Variants in TRAF7 observed in about 807,000 individuals in gnomAD.
TRAF7 encodes E3 ubiquitin-protein ligase TRAF7.
In TRAF7, 45 loss-of-function variants were observed where a neutral mutation model predicts 89.3. The observed-to-expected ratio is 0.50, with a 90% CI of 0.40 to 0.65. TRAF7 has a LOEUF of 0.65. Among genes scored for constraint, TRAF7 ranks in the 30% least tolerant of loss-of-function variants. TRAF7 has a pLI of 0.00. For synonymous variants in TRAF7, 406 were observed against 369.2 expected (o/e 1.10, Z -1.14); for missense variants, 677 against 918.1 (o/e 0.74, Z 3.39).
At chr16:2,164,104 C>G in intron 2 of TRAF7, 103 bp downstream of exon 2, 3 of 1,101,830 alleles carry the variant, frequency 2.7e-6, no homozygotes, top group Non-Finnish European at 3.8e-6. Context: ...CCGTCCCGAG[C>G]TGGGGTCTCA....
At chr16:2,164,177 CGCGCACGCGTGCGTGTGT>C (rs1011420718) in intron 2 of TRAF7, among the ~76,000 whole-genome samples, 176 bp downstream of exon 2, 4 of 117,724 alleles carry the variant, frequency 3.4e-5, no homozygotes, top group African/African-American at 1.5e-4. Flanking sequence ...CGCGCGCGCG[CGCGCACGCGTGCGTGTGT>C]GGTTGGGGCG....
At chr16:2,156,092 T>A (rs1021036901) in intron 1 of TRAF7, among the ~76,000 whole-genome samples, 1 of 152,070 alleles carries the variant, frequency 6.6e-6, no homozygotes, top group African/African-American at 2.4e-5. Context: ...TCTCGCGCAG[T>A]TCTTTACTCA....
intron 3 of TRAF7, among the ~76,000 whole-genome samples, chr16:2,167,208 G>T (rs896648058): frequency 2.0e-5 from 3 of 152,144 alleles, no homozygotes; most frequent in African/African-American, 4.8e-5. Context: ...CGGCTGCTAT[G>T]CCTGGCCCCT....
chr16:2,175,951 C>T lies in TRAF7; in HGVS notation c.1744C>T (p.His582Tyr). The change falls in exon 18 of 21, where the codon CAC becomes TAC. Residue 582 changes from histidine (H) to tyrosine (Y), a missense_variant and splice_region_variant. This residue lies in a region of TRAF7 where 160 missense variants were observed against 263.7 expected (regional missense o/e 0.61). Coordinates refer to ENST00000326181, the MANE Select transcript of TRAF7 (RefSeq NM_032271.3). Reference sequence around the variant, plus strand: ...CTGTGGCACCTACGAGAACCTCATCCACGTAAGGCCTGGGCATCTGGGTGC... The same window carrying T: ...CTGTGGCACCTACGAGAACCTCATCTACGTAAGGCCTGGGCATCTGGGTGC... The part of the protein sequence containing the change: ...IVCGTYENLI[H>Y]VWDIESKEQV... 1.2e-6 allele frequency: 2 copies of T among 1,613,224 alleles called. No homozygotes were observed. Among genetic ancestry groups the T allele is most frequent in the Non-Finnish European group, 8.5e-7 (1 of 1,179,954 alleles).
At chr16:2,166,700 C>T (rs944326803) in intron 3 of TRAF7, among the ~76,000 whole-genome samples, 2 of 152,236 alleles carry the variant, frequency 1.3e-5, no homozygotes, top group African/African-American at 4.8e-5. Flanking sequence ...GCAAGCCAAG[C>T]CCAATAAATC....
Position 2,161,236 on chromosome 16 carries a change from C to T in TRAF7, c.-38-2647C>T. On this transcript the variant is annotated intron_variant, in intron 1 of 20. Transcript: ENST00000326181. The surrounding 1 kb of genome is among the most constrained non-coding windows in gnomAD (Gnocchi z 5.2). ...CCCCCTGCTTCCCTCTGCCCCCTCCCTCCCTCCGTCCCCTCCCTCCTTCCG... is the reference window on the plus strand; with the variant it reads ...CCCCCTGCTTCCCTCTGCCCCCTCCTTCCCTCCGTCCCCTCCCTCCTTCCG... Among the ~76,000 whole-genome samples the T allele has an allele frequency of 1.4e-5, 2 of 144,912 alleles. No homozygotes were observed. Among genetic ancestry groups the T allele is most frequent in the South Asian group, 4.7e-4 (2 of 4,280 alleles).
chr16:2,164,633 G>C (rs550361778), intron 2 of TRAF7, among the ~76,000 whole-genome samples: 69 of 114,006 alleles, frequency 6.1e-4, no homozygotes, highest in African/African-American at 7.9e-4. Context: ...GCTGCGTGGC[G>C]CGGCCTGGTC....
chr16:2,164,134 G>A (rs549009069), intron 2 of TRAF7, 133 bp downstream of exon 2: 2 of 711,888 alleles, frequency 2.8e-6, no homozygotes, highest in East Asian at 5.5e-5. Flanking sequence ...GGTGGGGGGG[G>A]GTGTGGTGTG....
At position 2,161,494 on chromosome 16, in the gene TRAF7, T is replaced by A. The variant is rs187152274; in HGVS notation, c.-38-2389T>A. On this transcript the variant is annotated intron_variant, in intron 1 of 20. Coordinates refer to ENST00000326181, the MANE Select transcript of TRAF7 (RefSeq NM_032271.3). This position sits in a 1 kb window ranked among gnomAD's most constrained non-coding sequence, Gnocchi z 5.2. The stretch of plus-strand genomic sequence containing the variant: ...GCCCGACCCATCCCAGGGGAGTGCC[T>A]GCTGGGGTCCTGGCCACCTGGGCCC... 2.5e-4 allele frequency among the ~76,000 whole-genome samples: 38 copies of A among 152,232 alleles called. No homozygotes were observed. The East Asian group carries it at 6.8e-3, about 27-fold the overall frequency.
Position 2,163,432 on chromosome 16 carries a change from C to A in TRAF7, c.-38-451C>A. The A allele has an allele frequency of 5.6e-6, 1 of 179,176 alleles. No homozygotes were observed. Among genetic ancestry groups the A allele is most frequent in the South Asian group, 9.8e-5 (1 of 10,160 alleles). 11.1% of individuals were successfully genotyped at this position (179,176 alleles called of 1,614,324 possible). On this transcript the variant is annotated intron_variant, in intron 1 of 20. Coordinates refer to ENST00000326181, the MANE Select transcript of TRAF7 (RefSeq NM_032271.3). This position sits in a 1 kb window ranked among gnomAD's most constrained non-coding sequence, Gnocchi z 4.3. Reference sequence around the variant, plus strand: ...ACCGCACCTGTCGTGGCAGGAAACACATTCGTCGTGCCTTGGCTGGTCCCT... The same window carrying A: ...ACCGCACCTGTCGTGGCAGGAAACAAATTCGTCGTGCCTTGGCTGGTCCCT...
chr16:2,176,914 T>C lies in TRAF7; in HGVS notation c.*340T>C. 1 of 488,656 alleles carries C rather than the reference T, an allele frequency of 2.0e-6. No individual in the cohort carries two copies. The highest frequency in any genetic ancestry group is 3.6e-5 in the East Asian group (1 of 27,972). 30.3% of individuals were successfully genotyped at this position (488,656 alleles called of 1,614,324 possible). On this transcript the variant is annotated 3_prime_UTR_variant, in exon 21 of 21. Transcript: ENST00000326181. ...TATGTAGATTTGGTTACCTCCTGGT[T>C]GAAATAAATGCTCCACAGACTGTGG...
rs558914713 is a variant in TRAF7 at position 2,164,387 on chromosome 16, G to A, written c.81+386G>A. ...GTTAAGCGTGTTAGTGCTGCGTGGT[G>A]CGGCCTGGTCGCATGGTTAAGCGTG... On this transcript the variant is annotated intron_variant, in intron 2 of 20. Coordinates refer to ENST00000326181, the MANE Select transcript of TRAF7 (RefSeq NM_032271.3). 9.4e-4 allele frequency among the ~76,000 whole-genome samples: 133 copies of A among 141,508 alleles called. 1 individual carries two copies. Among genetic ancestry groups the A allele is most frequent in the Middle Eastern group, 3.9e-3 (1 of 258 alleles). The allele number at this position is 141,508 out of a possible 152,430, so 92.8% of individuals were successfully genotyped here.
intron 11 of TRAF7, 89 bp downstream of exon 11, chr16:2,173,643 C>A: frequency 1.9e-6 from 3 of 1,574,604 alleles, no homozygotes; most frequent in Non-Finnish European, 1.7e-6. Context: ...CTTGCCTACA[C>A]TAGTCAAGAT....
At chr16:2,175,012 C>T in intron 14 of TRAF7, 99 bp from the exon 15 acceptor site, 1 of 1,466,370 alleles carries the variant, frequency 6.8e-7, no homozygotes, top group Non-Finnish European at 9.5e-7. Flanking sequence ...GGCCATGCTG[C>T]TGGTTCCTGA....
Position 2,176,519 on chromosome 16 carries a change from C to T in TRAF7, c.1999-41C>T, listed in dbSNP as rs575229277. 79 of 1,613,040 alleles carry T rather than the reference C, an allele frequency of 4.9e-5. 1 individual carries two copies. The East Asian group carries it at 4.9e-4, about 10-fold the overall frequency. ...GCAGGTGTGGCTGGGGCAGGGCAGC[C>T]GGCCGCAGGACATCCTGGTGAAGCA... On this transcript the variant is annotated intron_variant, in intron 20 of 20. Coordinates refer to ENST00000326181, the MANE Select transcript of TRAF7 (RefSeq NM_032271.3).
rs754820595 is a variant in TRAF7, at chr16:2,175,967, A to G, written c.1746+14A>G. 1.9e-6 allele frequency: 3 copies of G among 1,612,960 alleles called. No individual in the cohort carries two copies. In the South Asian group the frequency reaches 3.3e-5, roughly 18 times the overall value. ...AACCTCATCCACGTAAGGCCTGGGC[A>G]TCTGGGTGCAAGGCCAGACTGTGGC... On this transcript the variant is annotated intron_variant, in intron 18 of 20. Coordinates refer to ENST00000326181, the MANE Select transcript of TRAF7 (RefSeq NM_032271.3).
rs750647285 is a variant in TRAF7, at chr16:2,176,015, G to C, written c.1747-34G>C. 7 of 1,610,086 alleles carry C rather than the reference G, an allele frequency of 4.3e-6. No individual in the cohort carries two copies. In the East Asian group the frequency reaches 1.6e-4, roughly 36 times the overall value. On this transcript the variant is annotated intron_variant, in intron 18 of 20. Coordinates refer to ENST00000326181, the MANE Select transcript of TRAF7 (RefSeq NM_032271.3). Reference sequence around the variant, plus strand: ...GGCCCCGTCTCCCCCGCCTTGCTCAGTGTCTTTGACCTGCCTGTGCCCACC... The same window carrying C: ...GGCCCCGTCTCCCCCGCCTTGCTCACTGTCTTTGACCTGCCTGTGCCCACC...
chr16:2,170,561 G>C, intron 4 of TRAF7, 53 bp from the exon 5 acceptor site: 1 of 1,435,088 alleles, frequency 7.0e-7, no homozygotes, highest in South Asian at 1.2e-5. Flanking sequence ...TGTCCTCCCC[G>C]AGGCTCTGAC....
chr16:2,156,265 C>T (rs943834491), intron 1 of TRAF7, among the ~76,000 whole-genome samples: 1 of 152,084 alleles, frequency 6.6e-6, no homozygotes, highest in Non-Finnish European at 1.5e-5. Context: ...CTTTTTGCTG[C>T]GAGGAGCTGC....
Sources: gnomAD v4.1 joint callset for allele counts (sites outside exome capture counted in the v4.1 genomes callset) on GRCh38, gnomAD v4.1.1 for gene constraint, gnomAD v4.1.1 regional missense constraint, Gnocchi (gnomAD v3.1) non-coding constraint, MANE v1.5 for transcripts, NCBI Gene and HGNC (gene_info 2026-07-23, HGNC 2026-07-21) for gene names.